The following EPB41L4B variants were observed in gnomAD, a reference collection of about 807,000 sequenced individuals.
The protein encoded by EPB41L4B is band 4.1-like protein 4B.
Under a neutral mutation model 112.5 loss-of-function variants are expected in EPB41L4B, and 30 were observed. That is an observed-to-expected ratio of 0.27 (90% confidence interval 0.20 to 0.36). The LOEUF is 0.36. Among genes scored for constraint, EPB41L4B ranks in the 10% least tolerant of loss-of-function variants. The probability of loss-of-function intolerance (pLI) is 1.00; values close to 1 mark genes in which losing one functional copy is unlikely to be tolerated. For missense variants in EPB41L4B, 1,024 were observed against 1,133.3 expected (o/e 0.90, Z 1.38); for synonymous variants, 408 against 439.7 (o/e 0.93, Z 0.90).
In EPB41L4B at chr9:109,306,338, G is replaced by A. The variant is rs932673763; in HGVS notation, c.306+13803C>T. The stretch of plus-strand genomic sequence containing the variant: ...AGTTTTAAAACATTCTGGGCCAGGC[G>A]TGGTGGCTCACGCCTGTAACCCCAG... On this transcript the variant is annotated intron_variant, in intron 1 of 25. Transcript: ENST00000374566. Among the ~76,000 whole-genome samples, 17 of 152,134 alleles carry A rather than the reference G, an allele frequency of 1.1e-4. 1 individual carries two copies. The highest frequency in any genetic ancestry group is 1.9e-4 in the Non-Finnish European group (13 of 68,022).
chr9:109,320,565 G>A lies in EPB41L4B; in HGVS notation c.-119C>T, dbSNP rs1837836137. On this transcript the variant is annotated 5_prime_UTR_variant, in exon 1 of 26. Coordinates refer to ENST00000374566, the MANE Select transcript of EPB41L4B (RefSeq NM_019114.5). ...GTCAGTGCCCTCGGCCGCCCGCGCC[G>A]CCTCTCGCGGGCTACGGCCCGGGGC... 3 of 466,762 alleles carry A rather than the reference G, an allele frequency of 6.4e-6. No individual in the cohort carries two copies. The highest frequency in any genetic ancestry group is 8.3e-6 in the Non-Finnish European group (3 of 360,200). 28.9% of individuals were successfully genotyped at this position (466,762 alleles called of 1,614,324 possible). A position where few individuals can be genotyped will look rare whatever the true frequency, so the allele number is the denominator to read the frequency against.
intron 14 of EPB41L4B, 106 bp downstream of exon 14, chr9:109,247,650 T>G (rs1266909087): frequency 8.6e-6 from 6 of 694,916 alleles, no homozygotes; most frequent in Non-Finnish European, 1.3e-5. Flanking sequence ...ACAAATATGA[T>G]GACTGCTCAT....
intron 5 of EPB41L4B, 87 bp from the exon 6 acceptor site, chr9:109,263,189 A>G: frequency 1.1e-6 from 1 of 923,454 alleles, no homozygotes; most frequent in Admixed American, 2.2e-5. Flanking sequence ...TTCAAAAGGT[A>G]GCGCTATTTA....
chr9:109,261,664 AT>A (rs1320304607), intron 6 of EPB41L4B, among the ~76,000 whole-genome samples: 3 of 152,162 alleles, frequency 2.0e-5, no homozygotes, highest in Non-Finnish European at 4.4e-5. Context: ...TCAAAATAAC[AT>A]TTTCAAAAGT....
At chr9:109,205,281 T>C (rs1267035602) in intron 18 of EPB41L4B, among the ~76,000 whole-genome samples, 7 of 152,212 alleles carry the variant, frequency 4.6e-5, no homozygotes, top group Non-Finnish European at 7.3e-5. Flanking sequence ...TTCATGCCCT[T>C]CCACTGTGTC....
At chr9:109,216,862 T>C (rs996910832) in intron 16 of EPB41L4B, 60 bp downstream of exon 16, 16 of 1,499,492 alleles carry the variant, frequency 1.1e-5, no homozygotes, top group Non-Finnish European at 1.5e-5. Context: ...TCTAGGGAAC[T>C]CTCGTGCCCT....
At chr9:109,290,118 G>A (rs1044185581) in intron 1 of EPB41L4B, among the ~76,000 whole-genome samples, 2 of 152,174 alleles carry the variant, frequency 1.3e-5, no homozygotes, top group African/African-American at 4.8e-5. Flanking sequence ...CTGGGACTCT[G>A]TGAGGCAGAA....
intron 19 of EPB41L4B, among the ~76,000 whole-genome samples, chr9:109,202,247 G>A (rs1183904380): frequency 6.6e-6 from 1 of 152,184 alleles, no homozygotes; most frequent in Non-Finnish European, 1.5e-5. Flanking sequence ...CCTGGAGGCA[G>A]CTGGGTATGT....
intron 4 of EPB41L4B, among the ~76,000 whole-genome samples, chr9:109,265,383 G>A (rs10816793): frequency 0.37 from 55,993 of 152,134 alleles, 10,867 homozygotes; most frequent in Admixed American, 0.47. Flanking sequence ...GGGTGGGGCC[G>A]CGGGGTCTGG....
chr9:109,281,727 AATTAATT>A (rs766730963), intron 1 of EPB41L4B, among the ~76,000 whole-genome samples: 8,820 of 99,930 alleles, frequency 0.088, 325 homozygotes, highest in Admixed American at 0.17. Flanking sequence ...TAAATAAATT[AATTAATT>A]AATTTTAAAA....
rs80167073 is a variant in EPB41L4B at position 109,309,175 on chromosome 9, G to A, written c.306+10966C>T. ...AGAGTGGCCACAAACTGATAAGTAC[G>A]GAAATGAAGATGACTACTTAGGGTC... On this transcript the variant is annotated intron_variant, in intron 1 of 25. Coordinates refer to ENST00000374566, the MANE Select transcript of EPB41L4B (RefSeq NM_019114.5). Among the ~76,000 whole-genome samples the A allele has an allele frequency of 7.7e-3, 1,177 of 152,240 alleles. 16 individuals carry two copies. The highest frequency in any genetic ancestry group is 0.027 in the African/African-American group (1,128 of 41,534).
At chr9:109,255,430 T>C in intron 11 of EPB41L4B, 81 bp downstream of exon 11, 2 of 1,526,558 alleles carry the variant, frequency 1.3e-6, no homozygotes, top group Non-Finnish European at 1.8e-6. Context: ...TCAAATCCAC[T>C]ACTCTATTCG....
At chr9:109,211,152 T>G (rs1333812490) in intron 17 of EPB41L4B, among the ~76,000 whole-genome samples, 1 of 152,088 alleles carries the variant, frequency 6.6e-6, no homozygotes, top group Non-Finnish European at 1.5e-5. Context: ...CTTAGAAGAA[T>G]CAGAGGATTC....
chr9:109,215,805 T>A (rs905454438), intron 16 of EPB41L4B, among the ~76,000 whole-genome samples: 2 of 152,206 alleles, frequency 1.3e-5, no homozygotes, highest in Non-Finnish European at 2.9e-5. Context: ...ATTTAAAAGA[T>A]ATAAACTCAT....
chr9:109,255,957 T>C, intron 9 of EPB41L4B, 114 bp from the exon 10 acceptor site: 1 of 1,249,308 alleles, frequency 8.0e-7, no homozygotes, highest in African/African-American at 1.5e-5. Context: ...ATAAAAACAT[T>C]CATCCAAGTG....
intron 1 of EPB41L4B, among the ~76,000 whole-genome samples, chr9:109,288,545 CCT>C (rs1228336876): frequency 6.6e-6 from 1 of 151,612 alleles, no homozygotes; most frequent in East Asian, 1.9e-4. Flanking sequence ...ACGGTGAAAC[CCT>C]GTTTCTACTA....
chr9:109,315,009 C>G (rs1280343949), intron 1 of EPB41L4B, among the ~76,000 whole-genome samples: 1 of 152,124 alleles, frequency 6.6e-6, no homozygotes, highest in African/African-American at 2.4e-5. Context: ...CTACCGTTGC[C>G]CCCTTCTCCT....
intron 9 of EPB41L4B, 145 bp from the exon 10 acceptor site, chr9:109,255,988 C>T (rs554598281): frequency 2.7e-5 from 32 of 1,169,626 alleles, no homozygotes; most frequent in East Asian, 9.5e-5. Context: ...GAAGTTTCAG[C>T]GCAACTGCCA....
intron 15 of EPB41L4B, among the ~76,000 whole-genome samples, chr9:109,226,626 A>ATATG (rs10682594): frequency 0.43 from 56,300 of 132,142 alleles, 13,196 homozygotes; most frequent in Admixed American, 0.53. Flanking sequence ...ATATATATAT[A>ATATG]TATGAAGAAT....
Sources: allele counts gnomAD v4.1 joint callset (sites outside exome capture counted in the v4.1 genomes callset), GRCh38; gene constraint gnomAD v4.1.1; transcripts MANE v1.5; gene names NCBI Gene and HGNC (gene_info 2026-07-23, HGNC 2026-07-21).